Variants in TM9SF4 observed in about 807,000 individuals in gnomAD.
TM9SF4 encodes the protein dinucleotide oxidase disulfide thiol exchanger 3 superfamily member 4.
A neutral mutation model predicts 90.4 loss-of-function variants in TM9SF4; 26 were observed. The observed-to-expected ratio is 0.29, with a 90% CI of 0.21 to 0.40. The LOEUF (loss-of-function observed/expected upper bound fraction) is 0.40, where lower values mean the gene tolerates loss of function less well. Among genes scored for constraint, TM9SF4 ranks in the 10% least tolerant of loss-of-function variants. The pLI, the probability that TM9SF4 is intolerant of heterozygous loss-of-function variation, is 1.00. For synonymous variants in TM9SF4, 293 were observed against 315.4 expected (o/e 0.93, Z 0.75); for missense variants, 549 against 834.8 (o/e 0.66, Z 4.22).
At chr20:32,152,903 C>T (rs2046863823) in intron 12 of TM9SF4, among the ~76,000 whole-genome samples, 1 of 152,184 alleles carries the variant, frequency 6.6e-6, no homozygotes, top group Admixed American at 6.5e-5. Context: ...TGCCTTTCTC[C>T]CTGGAGCTTT....
At chr20:32,149,888 A>G (rs2046817160) in intron 10 of TM9SF4, 122 bp downstream of exon 10, 5 of 1,384,600 alleles carry the variant, frequency 3.6e-6, no homozygotes, top group Non-Finnish European at 4.9e-6. Flanking sequence ...CCAAGTGGGC[A>G]TGTCAGTATC....
At chr20:32,123,867 T>TATATATATATATATATATATATA (rs1555882288) in intron 1 of TM9SF4, among the ~76,000 whole-genome samples, 2 of 48,016 alleles carry the variant, frequency 4.2e-5, no homozygotes, top group Admixed American at 2.4e-4. Flanking sequence ...TATATATATA[T>TATATATATATATATATATATATA]TTTTTTTTTT....
At chr20:32,156,028 G>A (rs2046914768) in intron 13 of TM9SF4, among the ~76,000 whole-genome samples, 1 of 152,170 alleles carries the variant, frequency 6.6e-6, no homozygotes, top group Non-Finnish European at 1.5e-5. Flanking sequence ...TTTGGAAAGT[G>A]CAGAGAAGTT....
At position 32,149,663 on chromosome 20, in the gene TM9SF4, G is replaced by T. The variant is rs1286083191; in HGVS notation, c.984G>T (p.Lys328Asn). 6.2e-7 allele frequency: 1 copy of T among 1,614,210 alleles called. No homozygotes were observed. Among genetic ancestry groups the T allele is most frequent in the Non-Finnish European group, 8.5e-7 (1 of 1,180,048 alleles). The change falls in exon 10 of 18, where the codon AAG becomes AAT. Residue 328 changes from lysine to asparagine, a missense_variant. By Grantham distance (94) the Lys-to-Asn change is moderately conservative. Coordinates refer to ENST00000398022, the MANE Select transcript of TM9SF4 (RefSeq NM_014742.4). ...IEDTMEESGW[K>N]LVHGDVFRPP... Reference sequence around the variant, plus strand: ...ACACCATGGAGGAGTCTGGGTGGAAGTTGGTGCACGGCGACGTCTTCAGGC... The same window carrying T: ...ACACCATGGAGGAGTCTGGGTGGAATTTGGTGCACGGCGACGTCTTCAGGC...
intron 1 of TM9SF4, among the ~76,000 whole-genome samples, chr20:32,120,005 C>T (rs1479518625): frequency 6.6e-6 from 1 of 152,064 alleles, no homozygotes; most frequent in Admixed American, 6.6e-5. Flanking sequence ...AATTATTTTC[C>T]ACTGATCTTT....
intron 2 of TM9SF4, among the ~76,000 whole-genome samples, chr20:32,134,851 T>G (rs1037672366): frequency 2.6e-5 from 4 of 152,112 alleles, no homozygotes; most frequent in African/African-American, 9.7e-5. Context: ...TTTTGCATTT[T>G]TAGTAGAGAC....
chr20:32,129,542 A>G (rs1353668018), intron 1 of TM9SF4, among the ~76,000 whole-genome samples: 1 of 152,104 alleles, frequency 6.6e-6, no homozygotes, highest in Non-Finnish European at 1.5e-5. Context: ...AAATGGACAT[A>G]TAATAATTTA....
rs985729203 is a variant in TM9SF4 at position 32,119,847 on chromosome 20, G to C, written c.15+10092G>C. Among the ~76,000 whole-genome samples, 4 of 152,058 alleles carry C rather than the reference G, an allele frequency of 2.6e-5. No homozygotes were observed. In the South Asian group the frequency reaches 8.3e-4, roughly 31 times the overall value. On this transcript the variant is annotated intron_variant, in intron 1 of 17. Transcript: ENST00000398022. ...ATCCATTTTGACTTAATTTTTGTGT[G>C]TATGTTCTGAGGTTCCATGTGCATA...
At chr20:32,120,216 A>G (rs550192439) in intron 1 of TM9SF4, among the ~76,000 whole-genome samples, 2 of 152,308 alleles carry the variant, frequency 1.3e-5, no homozygotes, top group East Asian at 1.9e-4. Flanking sequence ...CATTGAATCT[A>G]TAGATCAATT....
chr20:32,163,373 TCAGTCTG>T (rs1471593157), intron 17 of TM9SF4, among the ~76,000 whole-genome samples: 3 of 149,994 alleles, frequency 2.0e-5, no homozygotes, highest in Non-Finnish European at 4.4e-5. Flanking sequence ...TTTTTTGGCC[TCAGTCTG>T]CAGGCAAGAT....
At chr20:32,137,566 G>A (rs964579860) in intron 3 of TM9SF4, among the ~76,000 whole-genome samples, 1 of 152,102 alleles carries the variant, frequency 6.6e-6, no homozygotes, top group Non-Finnish European at 1.5e-5. Flanking sequence ...AGGGCTCTTT[G>A]ACTGGAGGGA....
chr20:32,110,090 C>A (rs1340974632), intron 1 of TM9SF4: 3 of 1,189,960 alleles, frequency 2.5e-6, no homozygotes, highest in African/African-American at 1.5e-5. Flanking sequence ...CCTCTGAAGA[C>A]CCCCTCCCGT....
chr20:32,154,650 G>A (rs1273440444), intron 12 of TM9SF4, among the ~76,000 whole-genome samples: 2 of 151,570 alleles, frequency 1.3e-5, no homozygotes, highest in African/African-American at 4.9e-5. Context: ...ACGGAGTTTC[G>A]CCATGTGGGC....
At chr20:32,123,845 C>CATATATATATATATATATATAT (rs778502518) in intron 1 of TM9SF4, among the ~76,000 whole-genome samples, 9 of 108,714 alleles carry the variant, frequency 8.3e-5, no homozygotes, top group African/African-American at 2.6e-4. Context: ...TTCTCTCTCT[C>CATATATATATATATATATATAT]ATATATATAT....
intron 1 of TM9SF4, chr20:32,109,982 G>C: frequency 7.1e-7 from 1 of 1,414,116 alleles, no homozygotes; most frequent in Non-Finnish European, 9.2e-7. Context: ...CCGTTTCGGA[G>C]GAAGACCTCG....
Position 32,133,000 on chromosome 20 carries a change from C to T in TM9SF4, c.16-13C>T, listed in dbSNP as rs781532624. On this transcript the variant is annotated splice_polypyrimidine_tract_variant and intron_variant, in intron 1 of 17. Coordinates refer to ENST00000398022, the MANE Select transcript of TM9SF4 (RefSeq NM_014742.4). Reference sequence around the variant, plus strand: ...CTTCTCCCCAATCCAACCCTGGCCTCTCTTCTGAGCAGGATTGGTTGCCGT... The same window carrying T: ...CTTCTCCCCAATCCAACCCTGGCCTTTCTTCTGAGCAGGATTGGTTGCCGT... 1 of 1,612,410 alleles carries T rather than the reference C, an allele frequency of 6.2e-7. No individual in the cohort carries two copies. Among genetic ancestry groups the T allele is most frequent in the South Asian group, 1.1e-5 (1 of 91,002 alleles).
In TM9SF4 at chr20:32,145,419, G is replaced by C. The variant is rs765109885; in HGVS notation, c.879G>C (p.Leu293=). Residue 293 remains leucine (L), a synonymous_variant, in exon 8 of 18, where the codon CTG becomes CTC. Coordinates refer to ENST00000398022, the MANE Select transcript of TM9SF4 (RefSeq NM_014742.4). ...IINSVVVVFF[L]SGILSMIIIR... Reference sequence around the variant, plus strand: ...ACTCCGTTGTTGTGGTCTTCTTCCTGTCAGGTGAGAGATCTGTGGGTTGAG... The same window carrying C: ...ACTCCGTTGTTGTGGTCTTCTTCCTCTCAGGTGAGAGATCTGTGGGTTGAG... 1.9e-6 allele frequency: 3 copies of C among 1,613,930 alleles called. No individual in the cohort carries two copies. The highest frequency in any genetic ancestry group is 1.1e-5 in the South Asian group (1 of 91,070).
In TM9SF4 at chr20:32,117,394, A is replaced by G. The variant is rs552924217; in HGVS notation, c.15+7639A>G. On this transcript the variant is annotated intron_variant, in intron 1 of 17. Coordinates refer to ENST00000398022, the MANE Select transcript of TM9SF4 (RefSeq NM_014742.4). ...CTGCTAGTTGATGCTATTTATGGGA[A>G]AGGAGATTGCAAGGCAGAGGGCTCC... Among the ~76,000 whole-genome samples the G allele has an allele frequency of 4.6e-5, 7 of 152,324 alleles. No homozygotes were observed. In the South Asian group the frequency reaches 1.4e-3, roughly 32 times the overall value.
At chr20:32,142,067 AG>A (rs35411380) in intron 5 of TM9SF4, among the ~76,000 whole-genome samples, 172 bp downstream of exon 5, 1 of 152,098 alleles carries the variant, frequency 6.6e-6, no homozygotes, top group African/African-American at 2.4e-5. Flanking sequence ...GAGGTGCTAC[AG>A]GGAGGTGAAG....
Sources: allele counts gnomAD v4.1 joint callset (sites outside exome capture counted in the v4.1 genomes callset), GRCh38; gene constraint gnomAD v4.1.1; transcripts MANE v1.5; gene names NCBI Gene and HGNC (gene_info 2026-07-23, HGNC 2026-07-21).